The following EYA4 variants were observed in gnomAD, a reference collection of about 807,000 sequenced individuals.
The protein encoded by EYA4 is EYA transcriptional coactivator and phosphatase 4.
A neutral mutation model predicts 87.9 loss-of-function variants in EYA4; 31 were observed. The observed-to-expected ratio is 0.35, with a 90% CI of 0.27 to 0.48. The LOEUF (loss-of-function observed/expected upper bound fraction) is 0.48. EYA4 is among the 20% of genes least tolerant of loss of function. EYA4 has a pLI of 0.99. For synonymous variants in EYA4, 263 were observed against 270.6 expected (o/e 0.97, Z 0.28); for missense variants, 678 against 761.4 (o/e 0.89, Z 1.29).
At chr6:133,442,168 G>C (rs546735354) in intron 3 of EYA4, among the ~76,000 whole-genome samples, 16 of 152,034 alleles carry the variant, frequency 1.1e-4, no homozygotes, top group African/African-American at 3.6e-4. Context: ...TGTGTTTTCT[G>C]TCCACTAGGA....
chr6:133,529,218 T>C lies in EYA4; in HGVS notation c.*413T>C. 8.8e-7 allele frequency: 1 copy of C among 1,134,344 alleles called. No homozygotes were observed. The highest frequency in any genetic ancestry group is 2.2e-5 in the South Asian group (1 of 46,198). 70.3% of individuals were successfully genotyped at this position (1,134,344 alleles called of 1,614,324 possible). ...GGTTTGAATCTGACTTTAGCCTACC[T>C]AACCCAGAAAATCTGAATTGGAATG... On this transcript the variant is annotated 3_prime_UTR_variant, in exon 20 of 20. Coordinates refer to ENST00000355286, the MANE Select transcript of EYA4 (RefSeq NM_004100.5).
At chr6:133,296,294 G>A (rs1406283873) in intron 2 of EYA4, among the ~76,000 whole-genome samples, 1 of 152,178 alleles carries the variant, frequency 6.6e-6, no homozygotes, top group Non-Finnish European at 1.5e-5. Context: ...TGTAGACCTT[G>A]GTCAGGACGT....
chr6:133,416,927 C>T (rs1026004467), intron 3 of EYA4, among the ~76,000 whole-genome samples: 2 of 152,168 alleles, frequency 1.3e-5, no homozygotes, highest in African/African-American at 4.8e-5. Context: ...GGTTACGCCA[C>T]TGTGGGTGCA....
At chr6:133,416,815 C>G (rs1789756119) in intron 3 of EYA4, among the ~76,000 whole-genome samples, 2 of 152,202 alleles carry the variant, frequency 1.3e-5, no homozygotes, top group South Asian at 4.1e-4. Flanking sequence ...TACCTTGACT[C>G]ACACATGAAT....
In EYA4 at chr6:133,440,481, A is replaced by G. The variant is rs181351020; in HGVS notation, c.84-6149A>G. On this transcript the variant is annotated intron_variant, in intron 3 of 19. Transcript: ENST00000355286. Reference sequence around the variant, plus strand: ...TCATTTGTTTTCTAGAAGAACGTGTACACAAATGACAATAAGTTAAGACAG... The same window carrying G: ...TCATTTGTTTTCTAGAAGAACGTGTGCACAAATGACAATAAGTTAAGACAG... Among the ~76,000 whole-genome samples the G allele has an allele frequency of 3.3e-3, 502 of 152,280 alleles. 6 individuals are homozygous for G. Among genetic ancestry groups the G allele is most frequent in the Non-Finnish European group, 5.0e-3 (338 of 68,010 alleles).
chr6:133,377,892 A>G (rs924616967), intron 2 of EYA4, among the ~76,000 whole-genome samples: 4 of 152,042 alleles, frequency 2.6e-5, no homozygotes, highest in Non-Finnish European at 5.9e-5. Flanking sequence ...AATCCACTGT[A>G]CAGAACAGTG....
chr6:133,418,757 C>T (rs1232921655), intron 3 of EYA4, among the ~76,000 whole-genome samples: 6 of 152,070 alleles, frequency 3.9e-5, no homozygotes, highest in African/African-American at 1.2e-4. Flanking sequence ...TAAATAAGGG[C>T]AACCAAATAG....
At chr6:133,333,868 CTT>C (rs910566592) in intron 2 of EYA4, among the ~76,000 whole-genome samples, 4 of 152,104 alleles carry the variant, frequency 2.6e-5, no homozygotes, top group African/African-American at 9.7e-5. Context: ...TAAAGACAAA[CTT>C]TTTTTCAGAT....
intron 3 of EYA4, among the ~76,000 whole-genome samples, chr6:133,391,228 T>G (rs495167): frequency 1.9e-4 from 7 of 36,896 alleles, no homozygotes; most frequent in African/African-American, 2.6e-4. Flanking sequence ...TTTTGTTTTT[T>G]TTTTTTTTTT....
Position 133,481,608 on chromosome 6 carries a change from A to T in EYA4, c.1107+9A>T, listed in dbSNP as rs1342660461. On this transcript the variant is annotated intron_variant, in intron 12 of 19. Transcript: ENST00000355286. The stretch of plus-strand genomic sequence containing the variant: ...CTGATAGTGACCTGGAGGTATGCCT[A>T]CTCATTCTTAAAGATTGTAGTGTGA... 6.2e-7 allele frequency: 1 copy of T among 1,613,546 alleles called. No individual in the cohort carries two copies. Among genetic ancestry groups the T allele is most frequent in the East Asian group, 2.2e-5 (1 of 44,858 alleles).
chr6:133,340,644 A>C (rs778833773), intron 2 of EYA4, among the ~76,000 whole-genome samples: 2 of 152,188 alleles, frequency 1.3e-5, no homozygotes, highest in Non-Finnish European at 2.9e-5. Context: ...TTGAGAACAG[A>C]AAAGAAGCCA....
intron 9 of EYA4, 33 bp downstream of exon 9, chr6:133,462,797 G>A: frequency 6.2e-7 from 1 of 1,605,066 alleles, no homozygotes; most frequent in African/African-American, 1.3e-5. Flanking sequence ...TGTTTTGGGA[G>A]AACTAATTCT....
rs560271255 is a variant in EYA4 at position 133,422,901 on chromosome 6, TTGAG to T, written c.84-23725_84-23722del. On this transcript the variant is annotated intron_variant, in intron 3 of 19. Coordinates refer to ENST00000355286, the MANE Select transcript of EYA4 (RefSeq NM_004100.5). ...GTCTTCCTGCTGAGTGTATGCAGCT[TTGAG>T]TGAAGTTCTTTCTGTATCTCTGGCA... is the stretch of plus-strand genomic sequence containing the variant. Among the ~76,000 whole-genome samples, 578 of 152,294 alleles carry T rather than the reference TTGAG, an allele frequency of 3.8e-3. 3 individuals are homozygous for T. The highest frequency in any genetic ancestry group is 0.013 in the African/African-American group (535 of 41,554).
At chr6:133,366,258 G>A (rs946936604) in intron 2 of EYA4, among the ~76,000 whole-genome samples, 5 of 152,152 alleles carry the variant, frequency 3.3e-5, no homozygotes, top group African/African-American at 9.7e-5. Context: ...CATTTTGGAC[G>A]GTAAATATAG....
intron 13 of EYA4, among the ~76,000 whole-genome samples, chr6:133,488,853 C>T (rs970141648): frequency 5.9e-5 from 9 of 152,170 alleles, no homozygotes; most frequent in African/African-American, 1.7e-4. Flanking sequence ...CTTCAATGTT[C>T]AGACACTGGT....
intron 2 of EYA4, among the ~76,000 whole-genome samples, chr6:133,376,778 T>C (rs1785726182): frequency 1.3e-5 from 2 of 152,048 alleles, no homozygotes; most frequent in South Asian, 4.1e-4. Context: ...CTACATATAT[T>C]TTCCAGATAT....
At chr6:133,256,944 A>G (rs912016355) in intron 1 of EYA4, among the ~76,000 whole-genome samples, 10 of 151,912 alleles carry the variant, frequency 6.6e-5, no homozygotes, top group Non-Finnish European at 1.2e-4. Flanking sequence ...ATGGCTATCA[A>G]TTTTTGTGGG....
In EYA4 at chr6:133,374,404, T is replaced by C. The variant is rs560100899; in HGVS notation, c.34-7988T>C. Reference sequence around the variant, plus strand: ...AAAGGCCAGAAATCAAGTGAGATCTTGCCTGTGACAGCCCAATACTAAAGG... The same window carrying C: ...AAAGGCCAGAAATCAAGTGAGATCTCGCCTGTGACAGCCCAATACTAAAGG... On this transcript the variant is annotated intron_variant, in intron 2 of 19. Transcript: ENST00000355286. Among the ~76,000 whole-genome samples the C allele has an allele frequency of 2.6e-5, 4 of 152,188 alleles. No homozygotes were observed. The East Asian group carries it at 7.7e-4, about 29-fold the overall frequency.
chr6:133,303,508 C>G (rs1424872095), intron 2 of EYA4, among the ~76,000 whole-genome samples: 1 of 152,202 alleles, frequency 6.6e-6, no homozygotes, highest in Admixed American at 6.5e-5. Flanking sequence ...TCTCTCTCCA[C>G]TGCCTCCAAG....
Sources: allele counts gnomAD v4.1 joint callset (sites outside exome capture counted in the v4.1 genomes callset), GRCh38; gene constraint gnomAD v4.1.1; transcripts MANE v1.5; gene names NCBI Gene and HGNC (gene_info 2026-07-23, HGNC 2026-07-21).